Variants in TBC1D30 observed in about 807,000 individuals in gnomAD.
TBC1D30 encodes the protein TBC1 domain family member 30.
A neutral mutation model predicts 63.2 loss-of-function variants in TBC1D30; 31 were observed. That is an observed-to-expected ratio of 0.49 (90% confidence interval 0.37 to 0.66). TBC1D30 has a LOEUF of 0.66. Among genes scored for constraint, TBC1D30 ranks in the 30% least tolerant of loss-of-function variants. The pLI is 0.00. For missense variants in TBC1D30, 810 were observed against 953.6 expected, an observed-to-expected ratio of 0.85 and a Z score of 1.98; for synonymous variants, 307 against 361.5, an observed-to-expected ratio of 0.85 and a Z score of 1.71.
At chr12:64,841,991 A>G (rs1875917440) in intron 7 of TBC1D30, among the ~76,000 whole-genome samples, 1 of 152,214 alleles carries the variant, frequency 6.6e-6, no homozygotes, top group South Asian at 2.1e-4. Context: ...ATTAGTATGT[A>G]TCAAAGTGTA....
intron 1 of TBC1D30, among the ~76,000 whole-genome samples, chr12:64,772,224 T>G (rs1348389818): frequency 5.8e-5 from 6 of 102,864 alleles, no homozygotes; most frequent in Admixed American, 2.6e-4. Context: ...GCAACAAGAG[T>G]GAAACTCTGT....
At chr12:64,835,410 AG>A (rs1003303750) in intron 5 of TBC1D30, among the ~76,000 whole-genome samples, 164 of 152,272 alleles carry the variant, frequency 1.1e-3, no homozygotes, top group African/African-American at 3.6e-3. Context: ...GGGTGGAAAT[AG>A]AGTTTTATAG....
chr12:64,789,054 A>G (rs1871761825), intron 2 of TBC1D30, among the ~76,000 whole-genome samples: 1 of 152,198 alleles, frequency 6.6e-6, no homozygotes, highest in Non-Finnish European at 1.5e-5. Flanking sequence ...ATCACACTGA[A>G]TAACATATTG....
intron 7 of TBC1D30, among the ~76,000 whole-genome samples, chr12:64,842,925 T>G (rs779791751): frequency 3.9e-5 from 6 of 152,174 alleles, no homozygotes; most frequent in Non-Finnish European, 8.8e-5. Context: ...TTTTAAATGT[T>G]TCATCCACAG....
chr12:64,862,903 C>T (rs1877910823), intron 8 of TBC1D30, among the ~76,000 whole-genome samples: 1 of 152,150 alleles, frequency 6.6e-6, no homozygotes, highest in Non-Finnish European at 1.5e-5. Flanking sequence ...CAATGCAGCT[C>T]CTACCCAGCC....
intron 5 of TBC1D30, among the ~76,000 whole-genome samples, chr12:64,834,304 C>T (rs929824270): frequency 3.2e-4 from 49 of 152,014 alleles, no homozygotes; most frequent in Non-Finnish European, 4.6e-4. Flanking sequence ...AATAGGTGAA[C>T]CATTTTTCCT....
intron 2 of TBC1D30, among the ~76,000 whole-genome samples, chr12:64,790,636 C>T (rs1871864175): frequency 6.6e-6 from 1 of 152,130 alleles, no homozygotes; most frequent in African/African-American, 2.4e-5. Flanking sequence ...AGACAGCTTA[C>T]AGCCTAATTT....
intron 8 of TBC1D30, among the ~76,000 whole-genome samples, chr12:64,853,507 C>T (rs1418713557): frequency 2.6e-5 from 4 of 152,130 alleles, no homozygotes; most frequent in African/African-American, 9.7e-5. Flanking sequence ...ACAGTTCTGT[C>T]TTGCTGATGT....
intron 2 of TBC1D30, among the ~76,000 whole-genome samples, chr12:64,812,127 T>C (rs1873251479): frequency 6.6e-6 from 1 of 152,198 alleles, no homozygotes; most frequent in Non-Finnish European, 1.5e-5. Context: ...AATATAATAA[T>C]TTCCAATATT....
chr12:64,869,730 G>A (rs1232109548), intron 10 of TBC1D30, among the ~76,000 whole-genome samples: 2 of 151,868 alleles, frequency 1.3e-5, no homozygotes, highest in Non-Finnish European at 2.9e-5. Context: ...GCTCTGATTA[G>A]CAGTTTCTCT....
rs575580454 is a variant in TBC1D30 at position 64,781,124 on chromosome 12, G to A, written c.316G>A (p.Glu106Lys). The change falls in exon 1 of 13, where the codon GAG becomes AAG. Residue 106 changes from glutamate (E) to lysine (K), a missense_variant. Transcript: ENST00000542120. ...GGCGGCGGGCGGGGGCCGCGGGGCC[G>A]AGGGCCGCCGGCGGCGCCGCGACAG... 1.8e-3 allele frequency: 1,848 copies of A among 1,007,106 alleles called. 29 individuals carry two copies. The African/African-American group carries it at 0.03, about 16-fold the overall frequency. The allele number at this position is 1,007,106 out of a possible 1,614,324, so 62.4% of individuals were successfully genotyped here. A position where few individuals can be genotyped will look rare whatever the true frequency, so the allele number is the denominator to read the frequency against.
At chr12:64,855,904 A>G (rs1016007479) in intron 8 of TBC1D30, among the ~76,000 whole-genome samples, 2 of 152,214 alleles carry the variant, frequency 1.3e-5, no homozygotes, top group Admixed American at 1.3e-4. Context: ...TATAGTCTTC[A>G]CAATCTGAGC....
chr12:64,832,034 T>C lies in TBC1D30; in HGVS notation c.409-85T>C, dbSNP rs1444499710. The C allele has an allele frequency of 3.9e-6, 5 of 1,279,972 alleles. No individual in the cohort carries two copies. The African/African-American group carries it at 4.4e-5, about 11-fold the overall frequency. 79.3% of individuals were successfully genotyped at this position (1,279,972 alleles called of 1,614,324 possible). A position where few individuals can be genotyped will look rare whatever the true frequency, so the allele number is the denominator to read the frequency against. ...AAATTTTATGTCGATGATTTGACTC[T>C]GTTTATTGAGTCAAAAAAAAAAGGT... On this transcript the variant is annotated intron_variant, in intron 4 of 11. Transcript: ENST00000539867.
At chr12:64,792,291 C>G (rs1051639979) in intron 2 of TBC1D30, among the ~76,000 whole-genome samples, 9 of 152,194 alleles carry the variant, frequency 5.9e-5, no homozygotes, top group African/African-American at 1.2e-4. Flanking sequence ...CTCTCTCCCC[C>G]ACATTTGTGT....
intron 8 of TBC1D30, among the ~76,000 whole-genome samples, chr12:64,844,350 ACACT>A (rs1332525725): frequency 6.6e-6 from 1 of 152,160 alleles, no homozygotes; most frequent in Non-Finnish European, 1.5e-5. Flanking sequence ...TGTCTTATTA[ACACT>A]CACTCTTCCA....
At chr12:64,818,319 C>T (rs1873676752) in intron 2 of TBC1D30, 1 of 841,286 alleles carries the variant, frequency 1.2e-6, no homozygotes, top group East Asian at 1.2e-4. Context: ...AACATTGCAA[C>T]ATATATAATA....
At chr12:64,837,881 A>T (rs1875507686) in intron 6 of TBC1D30, among the ~76,000 whole-genome samples, 1 of 152,170 alleles carries the variant, frequency 6.6e-6, no homozygotes, top group African/African-American at 2.4e-5. Context: ...CTCAGATTCT[A>T]GTCTCTGAAC....
intron 1 of TBC1D30, among the ~76,000 whole-genome samples, chr12:64,765,166 T>C (rs979288858): frequency 2.0e-5 from 3 of 152,060 alleles, no homozygotes; most frequent in Admixed American, 6.6e-5. Context: ...TTCAACAATA[T>C]GAAATTCACA....
At chr12:64,821,314 A>G (rs912579641), upstream of TBC1D30, among the ~76,000 whole-genome samples, 10 of 152,256 alleles carry the variant, frequency 6.6e-5, no homozygotes, top group Non-Finnish European at 2.9e-5. Flanking sequence ...GCATGACGTC[A>G]GAGCCAAAGG....
Sources: allele counts gnomAD v4.1 joint callset (sites outside exome capture counted in the v4.1 genomes callset), GRCh38; gene constraint gnomAD v4.1.1; transcripts MANE v1.5; gene names NCBI Gene and HGNC (gene_info 2026-07-23, HGNC 2026-07-21).